The following ZMYND8 variants were observed in gnomAD, a reference collection of about 807,000 sequenced individuals.
ZMYND8 encodes MYND-type zinc finger-containing chromatin reader ZMYND8.
In ZMYND8, 37 loss-of-function variants were observed where a neutral mutation model predicts 140.8. The ratio of observed to expected loss-of-function variants is 0.26; its 90% confidence interval spans 0.20 to 0.35. The LOEUF is 0.35. ZMYND8 is among the 10% of genes least tolerant of loss of function. ZMYND8 has a pLI of 1.00. For synonymous variants in ZMYND8, 592 were observed against 597.1 expected (o/e 0.99, Z 0.12); for missense variants, 1,068 against 1,570.0 (o/e 0.68, Z 5.40).
At position 47,270,876 on chromosome 20, in the gene ZMYND8, G is replaced by GAC. The variant is rs2075892543; in HGVS notation, c.1480+5436_1480+5437dup. On this transcript the variant is annotated intron_variant, in intron 11 of 22. Transcript: ENST00000471951. ...GCAGATCACGAGGTCAGGAGATCGA[G>GAC]ACCATCCTGGCTAACATGGTAAAAC... is the stretch of plus-strand genomic sequence containing the variant. Among the ~76,000 whole-genome samples, 4 of 151,896 alleles carry GAC rather than the reference G, an allele frequency of 2.6e-5. No individual in the cohort carries two copies. The South Asian group carries it at 8.3e-4, about 31-fold the overall frequency.
chr20:47,247,278 G>A (rs1327099191), intron 13 of ZMYND8, among the ~76,000 whole-genome samples: 1 of 152,208 alleles, frequency 6.6e-6, no homozygotes, highest in African/African-American at 2.4e-5. Context: ...CCAGGCATTG[G>A]CTGGAACAGG....
At chr20:47,276,910 TAAAAA>T (rs10717572) in intron 10 of ZMYND8, 115 bp from the exon 11 acceptor site, 217 of 515,154 alleles carry the variant, frequency 4.2e-4, no homozygotes, top group African/African-American at 4.1e-3. Flanking sequence ...CTTATTCTAT[TAAAAA>T]AAAAAAAAAA....
intron 11 of ZMYND8, among the ~76,000 whole-genome samples, chr20:47,268,037 G>A (rs2075658820): frequency 6.6e-6 from 1 of 152,186 alleles, no homozygotes; most frequent in African/African-American, 2.4e-5. Flanking sequence ...CTGGCCAGCA[G>A]GCATCCAGGA....
At chr20:47,352,266 C>T (rs1478287225) in intron 1 of ZMYND8, among the ~76,000 whole-genome samples, 1 of 152,178 alleles carries the variant, frequency 6.6e-6, no homozygotes, top group African/African-American at 2.4e-5. Context: ...GCTTCAAGGA[C>T]AGCAGGCATC....
At chr20:47,345,941 C>T (rs1050087487) in intron 2 of ZMYND8, among the ~76,000 whole-genome samples, 2 of 152,058 alleles carry the variant, frequency 1.3e-5, no homozygotes, top group Non-Finnish European at 2.9e-5. Flanking sequence ...GATTGGCATG[C>T]GCCACTGTGC....
At chr20:47,302,037 T>C (rs980380553) in intron 3 of ZMYND8, among the ~76,000 whole-genome samples, 31 of 152,308 alleles carry the variant, frequency 2.0e-4, no homozygotes, top group African/African-American at 7.2e-4. Context: ...CCCACCTTGA[T>C]TGTAAGTTTC....
intron 2 of ZMYND8, among the ~76,000 whole-genome samples, chr20:47,345,530 C>T (rs1345741513): frequency 6.9e-6 from 1 of 144,524 alleles, no homozygotes; most frequent in Admixed American, 7.0e-5. Context: ...TTTTTTAAGA[C>T]GGAGTCTCGC....
intron 7 of ZMYND8, among the ~76,000 whole-genome samples, chr20:47,289,408 G>C (rs2077118292): frequency 6.6e-6 from 1 of 152,110 alleles, no homozygotes; most frequent in Non-Finnish European, 1.5e-5. Flanking sequence ...GTGAAACGTA[G>C]TAAGTTAAAT....
In ZMYND8 at chr20:47,356,675, A is replaced by C. The variant is rs201066280; in HGVS notation, c.-5T>G. 1 of 1,614,204 alleles carries C rather than the reference A, an allele frequency of 6.2e-7. No individual in the cohort carries two copies. Among genetic ancestry groups the C allele is most frequent in the East Asian group, 2.2e-5 (1 of 44,886 alleles). ...AGCTTACCTCTGTGGATGCATTGTTAACACTGTGTAATGTCAATACTTATA... is the reference window on the plus strand; with the variant it reads ...AGCTTACCTCTGTGGATGCATTGTTCACACTGTGTAATGTCAATACTTATA... On this transcript the variant is annotated 5_prime_UTR_variant, in exon 1 of 23. Transcript: ENST00000471951.
In ZMYND8 at chr20:47,238,754, G is replaced by A; in HGVS notation, c.2665+4C>T. 6.2e-7 allele frequency: 1 copy of A among 1,608,780 alleles called. No homozygotes were observed. Among genetic ancestry groups the A allele is most frequent in the Non-Finnish European group, 8.5e-7 (1 of 1,178,046 alleles). On this transcript the variant is annotated splice_donor_region_variant and intron_variant, in intron 15 of 22. Transcript: ENST00000471951. ...CACGGAGAACAGAAGGGGAGGCTCG[G>A]TACCTTTCACAGCCTGTCTGGTCTG... is the stretch of plus-strand genomic sequence containing the variant.
intron 2 of ZMYND8, among the ~76,000 whole-genome samples, chr20:47,312,458 G>A (rs921239231): frequency 6.6e-6 from 1 of 152,132 alleles, no homozygotes; most frequent in Non-Finnish European, 1.5e-5. Flanking sequence ...GGTACCTTGA[G>A]GGTGAACAGA....
At chr20:47,259,032 C>A (rs951493603) in intron 12 of ZMYND8, among the ~76,000 whole-genome samples, 4 of 152,124 alleles carry the variant, frequency 2.6e-5, no homozygotes, top group Admixed American at 2.0e-4. Flanking sequence ...CCAAGACACA[C>A]AACAGGAAGA....
At chr20:47,347,399 C>T (rs1231283112) in intron 2 of ZMYND8, among the ~76,000 whole-genome samples, 2 of 152,234 alleles carry the variant, frequency 1.3e-5, no homozygotes. Flanking sequence ...CCCGGCATCC[C>T]AGCAAGCTCT....
intron 2 of ZMYND8, among the ~76,000 whole-genome samples, chr20:47,344,686 A>G (rs2148570587): frequency 6.6e-6 from 1 of 152,352 alleles, no homozygotes; most frequent in South Asian, 2.1e-4. Flanking sequence ...ACACCACACT[A>G]GTGTATGATG....
At chr20:47,305,510 G>C (rs565857002) in intron 3 of ZMYND8, among the ~76,000 whole-genome samples, 166 of 151,628 alleles carry the variant, frequency 1.1e-3, no homozygotes, top group Non-Finnish European at 2.1e-3. Context: ...CAAAGTGCTA[G>C]GATTACAGGC....
chr20:47,268,766 T>G (rs960202418), intron 11 of ZMYND8, among the ~76,000 whole-genome samples: 9 of 147,698 alleles, frequency 6.1e-5, no homozygotes, highest in African/African-American at 2.2e-4. Flanking sequence ...TGACAGAGAC[T>G]CCATCTCAAA....
intron 2 of ZMYND8, among the ~76,000 whole-genome samples, chr20:47,347,093 CTTG>C (rs2082399315): frequency 6.6e-6 from 1 of 152,156 alleles, no homozygotes; most frequent in African/African-American, 2.4e-5. Context: ...CACTCAGTGA[CTTG>C]TTGAAGGAAT....
At chr20:47,313,418 C>A (rs373069936) in intron 2 of ZMYND8, among the ~76,000 whole-genome samples, 18 of 151,108 alleles carry the variant, frequency 1.2e-4, no homozygotes, top group South Asian at 2.1e-4. Context: ...GTCAGGAGAT[C>A]GAGACCATCC....
intron 2 of ZMYND8, among the ~76,000 whole-genome samples, chr20:47,326,148 C>T (rs1171037325): frequency 6.6e-6 from 1 of 152,144 alleles, no homozygotes; most frequent in African/African-American, 2.4e-5. Context: ...TTAGTAGAGA[C>T]AGGGTTTCAC....
Sources: gnomAD v4.1 joint callset for allele counts (sites outside exome capture counted in the v4.1 genomes callset) on GRCh38, gnomAD v4.1.1 for gene constraint, MANE v1.5 for transcripts, NCBI Gene and HGNC (gene_info 2026-07-23, HGNC 2026-07-21) for gene names.